SAMHD1: variants seen among roughly 807,000 people sequenced by gnomAD.
SAMHD1 encodes the protein deoxynucleoside triphosphate triphosphohydrolase SAMHD1.
SAMHD1 carries 54 observed loss-of-function variants against 79.6 expected under a neutral mutation model. The observed-to-expected ratio is 0.68, with a 90% CI of 0.55 to 0.85. SAMHD1 has a LOEUF of 0.85. Among genes scored for constraint, SAMHD1 ranks in the 40% least tolerant of loss-of-function variants. The pLI is 0.00. For missense variants in SAMHD1, 663 were observed against 782.7 expected, an observed-to-expected ratio of 0.85 and a Z score of 1.82; for synonymous variants, 260 against 264.1, an observed-to-expected ratio of 0.98 and a Z score of 0.15.
Position 36,890,472 on chromosome 20 carries a change from CT to C in SAMHD1, c.*2459del, listed in dbSNP as rs910548784. The C allele has an allele frequency of 1.4e-5, 2 of 145,586 alleles. No individual in the cohort carries two copies. Among genetic ancestry groups the C allele is most frequent in the Non-Finnish European group, 3.0e-5 (2 of 66,324 alleles). 9.0% of individuals were successfully genotyped at this position (145,586 alleles called of 1,614,324 possible). On this transcript the variant is annotated 3_prime_UTR_variant, in exon 16 of 16. Transcript: ENST00000646673. ...CCCTCCTTCCTTCCTTCCTTTCTTTCTTTTTGTTTGAGACAGAGTTTCGCTC... is the reference window on the plus strand; with the variant it reads ...CCCTCCTTCCTTCCTTCCTTTCTTTCTTTTGTTTGAGACAGAGTTTCGCTC...
chr20:36,932,440 G>A (rs1250327485), intron 4 of SAMHD1, among the ~76,000 whole-genome samples: 3 of 145,384 alleles, frequency 2.1e-5, no homozygotes, highest in African/African-American at 5.1e-5. Flanking sequence ...TGTTTAATAC[G>A]TATACAGTTT....
downstream of SAMHD1, chr20:36,889,856 C>G (rs1046686861): frequency 2.0e-5 from 3 of 152,996 alleles, no homozygotes; most frequent in East Asian, 1.9e-4. Flanking sequence ...AAAATTCAAC[C>G]CCCCCCAACT....
intron 15 of SAMHD1, among the ~76,000 whole-genome samples, chr20:36,895,264 T>C (rs1203413462): frequency 6.6e-6 from 1 of 151,886 alleles, no homozygotes; most frequent in Non-Finnish European, 1.5e-5. Context: ...GTGGTGTCTA[T>C]GCCTCAACCC....
At chr20:36,898,910 C>CAAAAAAAAAAAAAA (rs57902699) in intron 13 of SAMHD1, among the ~76,000 whole-genome samples, 3 of 69,420 alleles carry the variant, frequency 4.3e-5, no homozygotes, top group Non-Finnish European at 8.7e-5. Flanking sequence ...GACTCTGACT[C>CAAAAAAAAAAAAAA]AAAAAAAAAA....
intron 6 of SAMHD1, among the ~76,000 whole-genome samples, chr20:36,922,226 C>G (rs1007493675): frequency 2.6e-5 from 4 of 152,080 alleles, no homozygotes; most frequent in Non-Finnish European, 5.9e-5. Context: ...TTTTTTTCCC[C>G]TTTTTCTATA....
chr20:36,949,018 A>G (rs2063714487), intron 1 of SAMHD1, among the ~76,000 whole-genome samples: 1 of 152,032 alleles, frequency 6.6e-6, no homozygotes, highest in South Asian at 2.1e-4. Context: ...TAATCCCAGC[A>G]CTTTGGGAGG....
intron 4 of SAMHD1, among the ~76,000 whole-genome samples, chr20:36,932,002 G>T (rs1038495455): frequency 6.6e-6 from 1 of 151,892 alleles, no homozygotes; most frequent in Non-Finnish European, 1.5e-5. Flanking sequence ...AAAGAGGGCC[G>T]GGTGCGGTGG....
At chr20:36,951,179 C>T (rs1279773622) in intron 1 of SAMHD1, among the ~76,000 whole-genome samples, 1 of 152,198 alleles carries the variant, frequency 6.6e-6, no homozygotes, top group Non-Finnish European at 1.5e-5. Context: ...CCCATGTCTT[C>T]TTCCTCCGCC....
chr20:36,908,958 T>G (rs944552264), intron 11 of SAMHD1, among the ~76,000 whole-genome samples: 5 of 152,010 alleles, frequency 3.3e-5, no homozygotes, highest in African/African-American at 9.7e-5. Context: ...ATTTATTTAT[T>G]TATTTTTATT....
intron 6 of SAMHD1, among the ~76,000 whole-genome samples, chr20:36,919,934 G>A (rs746911930): frequency 5.3e-5 from 8 of 151,992 alleles, no homozygotes; most frequent in Admixed American, 3.3e-4. Context: ...CTGCAAACTT[G>A]CCAGTAAAAA....
chr20:36,948,381 T>C (rs1019438410), intron 1 of SAMHD1, among the ~76,000 whole-genome samples: 2 of 152,052 alleles, frequency 1.3e-5, no homozygotes, highest in South Asian at 2.1e-4. Flanking sequence ...GCTTCCCAAG[T>C]AGCTGGGACT....
intron 3 of SAMHD1, among the ~76,000 whole-genome samples, chr20:36,938,963 G>A (rs1257370185): frequency 2.0e-5 from 3 of 150,882 alleles, no homozygotes; most frequent in East Asian, 3.9e-4. Flanking sequence ...CGGGCTGGTG[G>A]CTCACGCCTG....
rs375919445 is a variant in SAMHD1 at position 36,916,705 on chromosome 20, C to T, written c.1062+17G>A. On this transcript the variant is annotated intron_variant, in intron 9 of 15. Transcript: ENST00000646673. ...AGGAACAACATTCTTCTTATTGCCT[C>T]CTCTGGCACAGCTTACCTTATCTCT... 3.9e-6 allele frequency: 6 copies of T among 1,550,368 alleles called. No individual in the cohort carries two copies. Among genetic ancestry groups the T allele is most frequent in the Non-Finnish European group, 4.5e-6 (5 of 1,121,954 alleles).
Position 36,917,014 on chromosome 20 carries a change from G to A in SAMHD1, c.888C>T (p.Phe296=), listed in dbSNP as rs541385940. ...TTTTATTAGATACTATCTCATAAAG[G>A]AAGCTTTTGTTTTCAGGACGCCCTT... ...PYKGRPENKS[F]LYEIVSNKRN... Residue 296 remains phenylalanine, a synonymous_variant, in exon 8 of 16, where the codon TTC becomes TTT. Coordinates refer to ENST00000646673, the MANE Select transcript of SAMHD1 (RefSeq NM_015474.4). The A allele has an allele frequency of 6.2e-7, 1 of 1,613,988 alleles. No individual in the cohort carries two copies. The highest frequency in any genetic ancestry group is 2.2e-5 in the East Asian group (1 of 44,860).
chr20:36,951,165 C>A (rs567811144), intron 1 of SAMHD1, among the ~76,000 whole-genome samples: 3 of 152,366 alleles, frequency 2.0e-5, no homozygotes, highest in South Asian at 2.1e-4. Flanking sequence ...CTATCCCAGG[C>A]GACCCCATGT....
At chr20:36,910,806 T>C (rs2063434513) in intron 11 of SAMHD1, among the ~76,000 whole-genome samples, 1 of 152,168 alleles carries the variant, frequency 6.6e-6, no homozygotes, top group East Asian at 1.9e-4. Context: ...ATGCCTCATT[T>C]AAACATCACA....
chr20:36,911,137 A>G, intron 11 of SAMHD1, 81 bp downstream of exon 11: 1 of 786,310 alleles, frequency 1.3e-6, no homozygotes, highest in Non-Finnish European at 2.1e-6. Context: ...AATAAAAGAA[A>G]GAAAAATAAC....
At chr20:36,942,767 C>T (rs1355152812) in intron 2 of SAMHD1, among the ~76,000 whole-genome samples, 1 of 152,066 alleles carries the variant, frequency 6.6e-6, no homozygotes, top group Non-Finnish European at 1.5e-5. Flanking sequence ...CCGCCTCAGC[C>T]TCCCGAGTAG....
At chr20:36,949,525 G>A (rs910700677) in intron 1 of SAMHD1, among the ~76,000 whole-genome samples, 6 of 151,104 alleles carry the variant, frequency 4.0e-5, no homozygotes, top group Non-Finnish European at 8.8e-5. Flanking sequence ...GGGAGGCTGA[G>A]GCAGGCGGAT....
Sources: gnomAD v4.1 joint callset for allele counts (sites outside exome capture counted in the v4.1 genomes callset) on GRCh38, gnomAD v4.1.1 for gene constraint, MANE v1.5 for transcripts, NCBI Gene and HGNC (gene_info 2026-07-23, HGNC 2026-07-21) for gene names.